The following ERC2 variants were observed in gnomAD, a reference collection of about 807,000 sequenced individuals.
ERC2 encodes ERC protein 2.
In ERC2, 42 loss-of-function variants were observed where a neutral mutation model predicts 114.8. The observed-to-expected ratio is 0.37, with a 90% confidence interval of 0.29 to 0.47. The LOEUF (loss-of-function observed/expected upper bound fraction) is 0.47, where lower values mean the gene tolerates loss of function less well. ERC2 is among the 20% of genes least tolerant of loss of function. The probability of loss-of-function intolerance (pLI) is 0.99; values close to 1 mark genes in which losing one functional copy is unlikely to be tolerated. For missense variants in ERC2, 939 were observed against 1,150.7 expected (o/e 0.82, Z 2.66); for synonymous variants, 454 against 425.5 (o/e 1.07, Z -0.82).
intron 12 of ERC2, among the ~76,000 whole-genome samples, chr3:55,960,864 G>A (rs986447933): frequency 6.6e-6 from 1 of 152,264 alleles, no homozygotes; most frequent in East Asian, 1.9e-4. Flanking sequence ...GCCGGGCATG[G>A]TGGCTCATGC....
At chr3:56,284,179 A>C (rs2054533250) in intron 3 of ERC2, among the ~76,000 whole-genome samples, 1 of 152,222 alleles carries the variant, frequency 6.6e-6, no homozygotes, top group South Asian at 2.1e-4. Context: ...AAAATCATAT[A>C]GTCTGAACTT....
chr3:56,069,260 T>C (rs757710661), intron 7 of ERC2, among the ~76,000 whole-genome samples: 3 of 152,346 alleles, frequency 2.0e-5, no homozygotes, highest in Admixed American at 6.5e-5. Flanking sequence ...GCAGCATTCT[T>C]TGTCAGTATC....
intron 17 of ERC2, among the ~76,000 whole-genome samples, chr3:55,598,641 G>A (rs987447665): frequency 2.6e-5 from 4 of 152,212 alleles, no homozygotes; most frequent in Non-Finnish European, 5.9e-5. Context: ...ATGCACCACT[G>A]TTATGGAATG....
At chr3:55,550,314 T>C (rs1373650250) in intron 17 of ERC2, among the ~76,000 whole-genome samples, 1 of 152,158 alleles carries the variant, frequency 6.6e-6, no homozygotes, top group East Asian at 1.9e-4. Flanking sequence ...TTCCCATTTG[T>C]GCTTGTATGT....
At chr3:55,946,775 C>CT (rs771506270) in intron 13 of ERC2, among the ~76,000 whole-genome samples, 3 of 152,086 alleles carry the variant, frequency 2.0e-5, no homozygotes, top group Non-Finnish European at 2.9e-5. Flanking sequence ...CTTGTCAATG[C>CT]TCCAAAAAAA....
At chr3:55,673,692 A>C (rs2061658637) in intron 17 of ERC2, among the ~76,000 whole-genome samples, 1 of 152,268 alleles carries the variant, frequency 6.6e-6, no homozygotes. Context: ...AGTACAAAAA[A>C]ATAAGTAAAA....
intron 3 of ERC2, among the ~76,000 whole-genome samples, chr3:56,251,517 A>C (rs2052152819): frequency 6.6e-6 from 1 of 152,214 alleles, no homozygotes; most frequent in Admixed American, 6.5e-5. Flanking sequence ...AAGAAGAAAA[A>C]AATAAATCTC....
At chr3:56,286,880 A>G (rs1441381214) in intron 3 of ERC2, among the ~76,000 whole-genome samples, 1 of 152,146 alleles carries the variant, frequency 6.6e-6, no homozygotes, top group Non-Finnish European at 1.5e-5. Context: ...AGTCTCACTC[A>G]CCTTTCTTTT....
intron 6 of ERC2, among the ~76,000 whole-genome samples, chr3:56,098,127 T>C (rs996333875): frequency 6.6e-6 from 1 of 152,296 alleles, no homozygotes; most frequent in East Asian, 1.9e-4. Context: ...GTCTAGAAAC[T>C]ACAACCTTCT....
chr3:56,260,437 T>TCGCCCCCG (rs1327527375), intron 3 of ERC2, among the ~76,000 whole-genome samples: 3 of 152,142 alleles, frequency 2.0e-5, no homozygotes, highest in African/African-American at 7.2e-5. Context: ...CAGGAGAACA[T>TCGCCCCCG]CGCCCCCGCG....
intron 3 of ERC2, among the ~76,000 whole-genome samples, chr3:56,199,878 T>TCA (rs2048313084): frequency 6.6e-6 from 1 of 151,962 alleles, no homozygotes. Context: ...AACTGTGGAC[T>TCA]CAGGACACTA....
At chr3:56,315,475 G>C (rs757136276) in intron 2 of ERC2, among the ~76,000 whole-genome samples, 1 of 152,106 alleles carries the variant, frequency 6.6e-6, no homozygotes, top group African/African-American at 2.4e-5. Flanking sequence ...AGTAATATCT[G>C]TTTGAGATTA....
intron 14 of ERC2, among the ~76,000 whole-genome samples, chr3:55,821,866 G>C (rs900677486): frequency 6.6e-6 from 1 of 152,236 alleles, no homozygotes; most frequent in Non-Finnish European, 1.5e-5. Flanking sequence ...CTGGGGCTCA[G>C]AGAAGTCCCA....
At chr3:56,399,091 A>G (rs1245121310) in intron 2 of ERC2, among the ~76,000 whole-genome samples, 1 of 152,234 alleles carries the variant, frequency 6.6e-6, no homozygotes, top group African/African-American at 2.4e-5. Context: ...ATCCCCAGGC[A>G]AACAAAATAC....
intron 2 of ERC2, among the ~76,000 whole-genome samples, chr3:56,364,539 T>C (rs914637162): frequency 6.6e-6 from 1 of 152,198 alleles, no homozygotes; most frequent in Admixed American, 6.5e-5. Context: ...AATATGTACA[T>C]ACAATACTAA....
chr3:56,091,358 A>T (rs75995696), intron 6 of ERC2, among the ~76,000 whole-genome samples: 126 of 152,316 alleles, frequency 8.3e-4, no homozygotes, highest in African/African-American at 2.8e-3. Flanking sequence ...CTCAGTAGAT[A>T]GTGGAATTAT....
chr3:56,384,655 T>G (rs114652691), intron 2 of ERC2, among the ~76,000 whole-genome samples: 3,578 of 152,296 alleles, frequency 0.023, 41 homozygotes, highest in South Asian at 0.071. Flanking sequence ...TTCTGTGGAC[T>G]GCTTTTTCAC....
chr3:55,814,258 G>C (rs916579246), intron 14 of ERC2, among the ~76,000 whole-genome samples: 3 of 151,958 alleles, frequency 2.0e-5, no homozygotes, highest in Admixed American at 6.6e-5. Context: ...CAACCTTCAG[G>C]GTTATTTCAT....
intron 12 of ERC2, among the ~76,000 whole-genome samples, chr3:55,960,736 A>G (rs987134803): frequency 5.9e-5 from 9 of 152,166 alleles, no homozygotes; most frequent in African/African-American, 2.2e-4. Context: ...GCTGGCTCCA[A>G]TTGTCCACCC....
Sources: gnomAD v4.1 joint callset for allele counts (sites outside exome capture counted in the v4.1 genomes callset) on GRCh38, gnomAD v4.1.1 for gene constraint, MANE v1.5 for transcripts, NCBI Gene and HGNC (gene_info 2026-07-23, HGNC 2026-07-21) for gene names.